The following ASTN2 variants were observed in gnomAD, a reference collection of about 807,000 sequenced individuals.
The protein encoded by ASTN2 is astrotactin 2, also known as astrotactin-2.
A neutral mutation model predicts 139.8 loss-of-function variants in ASTN2; 54 were observed. That is an observed-to-expected ratio of 0.39 (90% CI 0.31 to 0.48). ASTN2 has a LOEUF of 0.48. Ranked by LOEUF, ASTN2 falls within the 20% of genes least tolerant of loss-of-function variation. The pLI is 0.95. For missense variants in ASTN2, 1,565 were observed against 1,725.1 expected, an observed-to-expected ratio of 0.91 and a Z score of 1.64; for synonymous variants, 756 against 719.5, an observed-to-expected ratio of 1.05 and a Z score of -0.81.
At chr9:117,372,665 G>T (rs1830019696) in intron 1 of ASTN2, among the ~76,000 whole-genome samples, 1 of 152,056 alleles carries the variant, frequency 6.6e-6, no homozygotes, top group Non-Finnish European at 1.5e-5. Context: ...CACATAGCAG[G>T]TTCTGAATAC....
chr9:116,958,798 A>G (rs112781310), intron 10 of ASTN2, among the ~76,000 whole-genome samples: 1 of 152,140 alleles, frequency 6.6e-6, no homozygotes, highest in Admixed American at 6.6e-5. Flanking sequence ...GCTGGCCAGC[A>G]GAGAGTACGA....
chr9:117,388,885 T>C (rs1032906262), intron 1 of ASTN2, among the ~76,000 whole-genome samples: 3 of 152,202 alleles, frequency 2.0e-5, no homozygotes, highest in African/African-American at 7.2e-5. Flanking sequence ...TCCTTCTTTA[T>C]AAATATGACA....
intron 4 of ASTN2, among the ~76,000 whole-genome samples, chr9:117,127,672 G>GGTTT: frequency 1.4e-5 from 1 of 70,890 alleles, no homozygotes; most frequent in Non-Finnish European, 2.5e-5. Flanking sequence ...TTTTGTTTTG[G>GGTTT]TTTTTTTTTT....
intron 10 of ASTN2, among the ~76,000 whole-genome samples, chr9:116,971,187 G>A (rs1470602330): frequency 6.6e-6 from 1 of 152,136 alleles, no homozygotes; most frequent in Non-Finnish European, 1.5e-5. Context: ...CTAGAGATTT[G>A]CTCTTCCACC....
At chr9:117,182,742 C>T (rs1311646011) in intron 3 of ASTN2, among the ~76,000 whole-genome samples, 2 of 152,144 alleles carry the variant, frequency 1.3e-5, no homozygotes, top group African/African-American at 2.4e-5. Flanking sequence ...AGTTACAGAA[C>T]GTCTTAAAAG....
chr9:116,939,064 G>C (rs1386844631), intron 10 of ASTN2, among the ~76,000 whole-genome samples: 1 of 152,168 alleles, frequency 6.6e-6, no homozygotes, highest in African/African-American at 2.4e-5. Context: ...TGGAGAACAC[G>C]GTGGTAATCA....
chr9:116,443,903 G>A (rs10491579), intron 20 of ASTN2, among the ~76,000 whole-genome samples: 51,419 of 151,890 alleles, frequency 0.34, 9,053 homozygotes, highest in East Asian at 0.5. Flanking sequence ...TATAAAATAC[G>A]AAAAACACTA....
At chr9:117,180,013 C>A (rs1390022674) in intron 3 of ASTN2, among the ~76,000 whole-genome samples, 1 of 152,200 alleles carries the variant, frequency 6.6e-6, no homozygotes, top group Non-Finnish European at 1.5e-5. Context: ...GGCAGATCTG[C>A]AGCAAAGCTT....
intron 12 of ASTN2, among the ~76,000 whole-genome samples, chr9:116,811,588 G>T (rs7021435): frequency 6.6e-6 from 1 of 152,068 alleles, no homozygotes; most frequent in Non-Finnish European, 1.5e-5. Context: ...TACAGGTTGT[G>T]CCATCTACCA....
At chr9:116,674,752 G>C (rs1383180841) in intron 16 of ASTN2, among the ~76,000 whole-genome samples, 3 of 152,006 alleles carry the variant, frequency 2.0e-5, no homozygotes, top group East Asian at 3.9e-4. Flanking sequence ...ATCTGATCTT[G>C]TGGCCCTGGA....
At position 116,967,010 on chromosome 9, in the gene ASTN2, A is replaced by T. The variant is rs79053925; in HGVS notation, c.1889+8198T>A. Among the ~76,000 whole-genome samples the T allele has an allele frequency of 6.6e-3, 1,008 of 152,334 alleles. 15 individuals carry two copies. Among genetic ancestry groups the T allele is most frequent in the East Asian group, 0.051 (263 of 5,180 alleles). ...GATTCGGCCACATACTACCCATGTG[A>T]CATTGCATGAATGACTTAACATCTT... On this transcript the variant is annotated intron_variant, in intron 10 of 22. Transcript: ENST00000313400.
rs544666023 is a variant in ASTN2 at position 117,353,108 on chromosome 9, A to G, written c.442+61389T>C. Among the ~76,000 whole-genome samples, 400 of 152,308 alleles carry G rather than the reference A, an allele frequency of 2.6e-3. 1 individual carries two copies. The highest frequency in any genetic ancestry group is 5.0e-3 in the Non-Finnish European group (337 of 68,018). ...TACATGGTGTTGATGGTTGCACCAC[A>G]CTATGAATGTAATTAATGCTGCTAA... On this transcript the variant is annotated intron_variant, in intron 1 of 22. Coordinates refer to ENST00000313400, the MANE Select transcript of ASTN2 (RefSeq NM_001365068.1).
intron 13 of ASTN2, among the ~76,000 whole-genome samples, chr9:116,785,457 G>A (rs1025268890): frequency 1.3e-5 from 2 of 152,158 alleles, no homozygotes; most frequent in African/African-American, 4.8e-5. Context: ...GGCTATTGAC[G>A]CCGGATGATG....
At chr9:116,974,110 C>A (rs1396464290) in intron 10 of ASTN2, among the ~76,000 whole-genome samples, 4 of 152,132 alleles carry the variant, frequency 2.6e-5, no homozygotes, top group African/African-American at 9.7e-5. Flanking sequence ...AGCCAATAAG[C>A]TGTGTACAAA....
chr9:116,801,585 C>CAAAAAAAAAAA (rs397893932), intron 13 of ASTN2, among the ~76,000 whole-genome samples: 7 of 60,366 alleles, frequency 1.2e-4, no homozygotes, highest in Admixed American at 5.4e-4. Flanking sequence ...GGCTCTGTCT[C>CAAAAAAAAAAA]AAAAAAAAAA....
intron 1 of ASTN2, among the ~76,000 whole-genome samples, chr9:117,404,975 A>G (rs919458617): frequency 6.6e-6 from 1 of 152,160 alleles, no homozygotes; most frequent in African/African-American, 2.4e-5. Flanking sequence ...AAGTGGGTCC[A>G]GGAGTAACAA....
chr9:117,333,372 A>G (rs1045612710), intron 1 of ASTN2, among the ~76,000 whole-genome samples: 5 of 152,040 alleles, frequency 3.3e-5, no homozygotes, highest in African/African-American at 4.8e-5. Context: ...AATTTAGAGG[A>G]AAAAAAACCT....
At chr9:116,451,694 A>T (rs1275825991) in intron 20 of ASTN2, among the ~76,000 whole-genome samples, 1 of 152,136 alleles carries the variant, frequency 6.6e-6, no homozygotes, top group Non-Finnish European at 1.5e-5. Context: ...GTCTGCTGCA[A>T]ACTGGGATTG....
intron 19 of ASTN2, among the ~76,000 whole-genome samples, chr9:116,502,347 TAGAG>T (rs370245793): frequency 3.7e-5 from 5 of 134,480 alleles, no homozygotes; most frequent in African/African-American, 1.4e-4. Flanking sequence ...GAGAGAGAAA[TAGAG>T]AAAGAGACCA....
Sources: gnomAD v4.1 joint callset for allele counts (sites outside exome capture counted in the v4.1 genomes callset) on GRCh38, gnomAD v4.1.1 for gene constraint, MANE v1.5 for transcripts, NCBI Gene and HGNC (gene_info 2026-07-23, HGNC 2026-07-21) for gene names.